The following MCOLN2 variants were observed in gnomAD, a reference collection of about 807,000 sequenced individuals.
MCOLN2 encodes mucolipin TRP cation channel 2, also known as mucolipin-2.
A neutral mutation model predicts 67.5 loss-of-function variants in MCOLN2; 57 were observed. That is an observed-to-expected ratio of 0.84 (90% confidence interval 0.68 to 1.05). The LOEUF (loss-of-function observed/expected upper bound fraction) is 1.05, where lower values mean the gene tolerates loss of function less well. Ranked by LOEUF, MCOLN2 falls within the 50% of genes least tolerant of loss-of-function variation. MCOLN2 has a pLI of 0.00. For missense variants in MCOLN2, 620 were observed against 678.8 expected (o/e 0.91, Z 0.96); for synonymous variants, 246 against 233.3 (o/e 1.05, Z -0.50).
At chr1:84,986,256 C>G (rs987769380) in intron 1 of MCOLN2, among the ~76,000 whole-genome samples, 6 of 152,150 alleles carry the variant, frequency 3.9e-5, no homozygotes, top group African/African-American at 1.4e-4. Flanking sequence ...AAGAATAAAA[C>G]TGGGCCGGGC....
chr1:84,945,517 A>G (rs1311673992), intron 7 of MCOLN2, among the ~76,000 whole-genome samples: 2 of 152,228 alleles, frequency 1.3e-5, no homozygotes, highest in Non-Finnish European at 2.9e-5. Context: ...TCTGAAAAGC[A>G]GCAGGCCACA....
At chr1:84,977,545 A>G (rs1387126932) in intron 1 of MCOLN2, among the ~76,000 whole-genome samples, 1 of 152,194 alleles carries the variant, frequency 6.6e-6, no homozygotes, top group East Asian at 1.9e-4. Flanking sequence ...GGATGGAGAA[A>G]GAAATTCCAT....
chr1:84,962,056 A>T (rs1314911055), intron 2 of MCOLN2, among the ~76,000 whole-genome samples: 2 of 152,176 alleles, frequency 1.3e-5, no homozygotes, highest in African/African-American at 4.8e-5. Context: ...AAAGAGAGGG[A>T]GGGAAAAGTG....
Position 84,987,529 on chromosome 1 carries a change from C to T in MCOLN2, c.77+9267G>A, listed in dbSNP as rs370641681. Among the ~76,000 whole-genome samples, 84 of 11,078 alleles carry T rather than the reference C, an allele frequency of 7.6e-3. 2 individuals carry two copies. Among genetic ancestry groups the T allele is most frequent in the African/African-American group, 0.017 (63 of 3,758 alleles). The allele number at this position is 11,078 out of a possible 152,430, so 7.3% of individuals were successfully genotyped here. A position where few individuals can be genotyped will look rare whatever the true frequency, so the allele number is the denominator to read the frequency against. On this transcript the variant is annotated intron_variant, in intron 1 of 13. Coordinates refer to ENST00000370608, the MANE Select transcript of MCOLN2 (RefSeq NM_153259.4). ...ATGTATACATATGTATATATGTATA[C>T]ATCTATGTATACATAGATGTATACA...
Position 84,944,178 on chromosome 1 carries a change from G to A in MCOLN2, c.847+2855C>T, listed in dbSNP as rs547038559. Among the ~76,000 whole-genome samples, 5 of 152,240 alleles carry A rather than the reference G, an allele frequency of 3.3e-5. No homozygotes were observed. In the South Asian group the frequency reaches 1.0e-3, roughly 32 times the overall value. ...GTCCTCCTAACAGAATCCAGTATAG[G>A]ATTCTGTTTTTCTTTGAATTACTGA... On this transcript the variant is annotated intron_variant, in intron 7 of 13. Coordinates refer to ENST00000370608, the MANE Select transcript of MCOLN2 (RefSeq NM_153259.4).
chr1:84,941,056 TG>T (rs1647751369), intron 7 of MCOLN2, 65 bp from the exon 8 acceptor site: 2 of 1,031,564 alleles, frequency 1.9e-6, no homozygotes, highest in African/African-American at 1.6e-5. Flanking sequence ...CCAAACAAAA[TG>T]GCAGTGTGAA....
At chr1:84,977,291 G>C (rs1248542671) in intron 1 of MCOLN2, among the ~76,000 whole-genome samples, 1 of 151,674 alleles carries the variant, frequency 6.6e-6, no homozygotes, top group African/African-American at 2.4e-5. Flanking sequence ...TATCACCAGA[G>C]AAAATCACCT....
chr1:84,984,177 A>G (rs1475739112), intron 1 of MCOLN2, among the ~76,000 whole-genome samples: 1 of 152,224 alleles, frequency 6.6e-6, no homozygotes, highest in Non-Finnish European at 1.5e-5. Context: ...TGAATATGTA[A>G]AAATTCTTCA....
intron 9 of MCOLN2, among the ~76,000 whole-genome samples, chr1:84,938,582 A>C (rs1647569605): frequency 6.6e-6 from 1 of 152,234 alleles, no homozygotes; most frequent in Non-Finnish European, 1.5e-5. Flanking sequence ...AATGCAGTGA[A>C]AGACACAATG....
intron 7 of MCOLN2, among the ~76,000 whole-genome samples, 199 bp from the exon 8 acceptor site, chr1:84,941,190 T>C (rs1427116348): frequency 6.6e-6 from 1 of 152,208 alleles, no homozygotes; most frequent in Non-Finnish European, 1.5e-5. Flanking sequence ...GATATAAAGC[T>C]ATACATTTAA....
chr1:84,956,709 C>T, intron 3 of MCOLN2, 125 bp from the exon 4 acceptor site: 1 of 756,704 alleles, frequency 1.3e-6, no homozygotes, highest in South Asian at 2.2e-5. Context: ...AATAGAACTT[C>T]CCAATTTAAA....
intron 7 of MCOLN2, among the ~76,000 whole-genome samples, chr1:84,941,735 A>C (rs1338530941): frequency 6.6e-6 from 1 of 152,172 alleles, no homozygotes. Context: ...ACCACTCAGA[A>C]TCCCCACTTC....
intron 1 of MCOLN2, among the ~76,000 whole-genome samples, chr1:84,995,240 A>T (rs1473717441): frequency 7.0e-6 from 1 of 142,428 alleles, no homozygotes; most frequent in Non-Finnish European, 1.6e-5. Flanking sequence ...AATGTGACAT[A>T]GAGACACAAA....
intron 1 of MCOLN2, among the ~76,000 whole-genome samples, chr1:84,988,211 A>T (rs889825954): frequency 3.7e-5 from 4 of 108,562 alleles, no homozygotes; most frequent in East Asian, 7.2e-4. Context: ...ATTTTTTTTT[A>T]ATTTTAATTT....
intron 2 of MCOLN2, among the ~76,000 whole-genome samples, chr1:84,963,650 T>G (rs1375760027): frequency 1.3e-5 from 2 of 152,022 alleles, no homozygotes; most frequent in African/African-American, 4.8e-5. Context: ...TCTCATGAGA[T>G]CTGGTTGTTT....
At chr1:84,988,255 T>C (rs909991249) in intron 1 of MCOLN2, among the ~76,000 whole-genome samples, 1 of 152,050 alleles carries the variant, frequency 6.6e-6, no homozygotes, top group African/African-American at 2.4e-5. Context: ...TTTTGCTATG[T>C]TGCACAGGCT....
At chr1:84,987,568 AGATG>A (rs1650649467) in intron 1 of MCOLN2, among the ~76,000 whole-genome samples, 3 of 91,182 alleles carry the variant, frequency 3.3e-5, no homozygotes, top group African/African-American at 1.2e-4. Flanking sequence ...ATGTATACAT[AGATG>A]TATACATAGA....
chr1:84,935,553 T>C (rs1380603344), intron 11 of MCOLN2, among the ~76,000 whole-genome samples: 1 of 152,194 alleles, frequency 6.6e-6, no homozygotes, highest in African/African-American at 2.4e-5. Flanking sequence ...TCAAAAAGAC[T>C]AGTATGGAGG....
intron 1 of MCOLN2, among the ~76,000 whole-genome samples, chr1:84,971,537 CACACACACGAT>C (rs1231186207): frequency 1.3e-5 from 2 of 148,386 alleles, no homozygotes; most frequent in African/African-American, 5.2e-5. Context: ...CACACACACA[CACACACACGAT>C]ATCTTATTGC....
Sources: gnomAD v4.1 joint callset for allele counts (sites outside exome capture counted in the v4.1 genomes callset) on GRCh38, gnomAD v4.1.1 for gene constraint, MANE v1.5 for transcripts, NCBI Gene and HGNC (gene_info 2026-07-23, HGNC 2026-07-21) for gene names.